Variants in FBXL5 observed in about 807,000 individuals in gnomAD.
The protein encoded by FBXL5 is F-box and leucine rich repeat protein 5.
FBXL5 carries 26 observed loss-of-function variants against 78.3 expected under a neutral mutation model. The ratio of observed to expected loss-of-function variants is 0.33; its 90% confidence interval spans 0.24 to 0.46. The LOEUF is 0.46. Ranked by LOEUF, FBXL5 falls within the 20% of genes least tolerant of loss-of-function variation. FBXL5 has a pLI of 1.00. For missense variants in FBXL5, 710 were observed against 829.2 expected (o/e 0.86, Z 1.77); for synonymous variants, 295 against 282.5 (o/e 1.04, Z -0.45).
intron 3 of FBXL5, among the ~76,000 whole-genome samples, chr4:15,639,311 T>G (rs1452952684): frequency 6.6e-6 from 1 of 152,240 alleles, no homozygotes; most frequent in Non-Finnish European, 1.5e-5. Flanking sequence ...GATGTTTAGG[T>G]CAGTTAACTG....
At position 15,623,674 on chromosome 4, in the gene FBXL5, C is replaced by CT. The variant is rs1313678525; in HGVS notation, c.1850+1577dup. Among the ~76,000 whole-genome samples the CT allele has an allele frequency of 4.6e-5, 7 of 152,092 alleles. 1 individual carries two copies. Reference sequence around the variant, plus strand: ...AAAACTCAGAATAAAGTTATCTTTGCTTATGTTCTTAAACTATAACATATG... The same window carrying CT: ...AAAACTCAGAATAAAGTTATCTTTGCTTTATGTTCTTAAACTATAACATATG... On this transcript the variant is annotated intron_variant, in intron 9 of 10. Transcript: ENST00000341285.
chr4:15,624,600 TA>T (rs61627875), intron 9 of FBXL5, among the ~76,000 whole-genome samples: 13,819 of 130,180 alleles, frequency 0.11, 721 homozygotes, highest in Non-Finnish European at 0.14. Flanking sequence ...TCTAGGAGGT[TA>T]AAAAAAAAAA....
chr4:15,642,011 G>A (rs1714936035), intron 2 of FBXL5, among the ~76,000 whole-genome samples: 1 of 151,330 alleles, frequency 6.6e-6, no homozygotes, highest in African/African-American at 2.4e-5. Context: ...ATGGGTGACA[G>A]AGCAAGACTC....
chr4:15,667,966 GGGAGGTGGA>G (rs1235739436), intron 1 of FBXL5, among the ~76,000 whole-genome samples: 1 of 151,732 alleles, frequency 6.6e-6, no homozygotes, highest in Non-Finnish European at 1.5e-5. Context: ...GCTTGAACTC[GGGAGGTGGA>G]GGTTGCGGTG....
intron 9 of FBXL5, among the ~76,000 whole-genome samples, chr4:15,621,774 A>T (rs1243838556): frequency 6.6e-6 from 1 of 152,216 alleles, no homozygotes. Flanking sequence ...AAATGGCCCT[A>T]TCTGTTCCCT....
At chr4:15,622,377 G>A (rs1235460531) in intron 9 of FBXL5, among the ~76,000 whole-genome samples, 1 of 152,128 alleles carries the variant, frequency 6.6e-6, no homozygotes, top group Non-Finnish European at 1.5e-5. Context: ...TACAATGAAT[G>A]CAAAAAGAGT....
upstream of FBXL5, chr4:15,655,400 G>A (rs1716780888): frequency 9.7e-7 from 1 of 1,028,026 alleles, no homozygotes; most frequent in Non-Finnish European, 1.2e-6. Flanking sequence ...CCCCGTCGGC[G>A]CGCGCGCCCG....
intron 2 of FBXL5, among the ~76,000 whole-genome samples, chr4:15,641,920 G>A (rs1010119860): frequency 4.6e-5 from 7 of 151,996 alleles, no homozygotes; most frequent in Middle Eastern, 6.8e-3. Flanking sequence ...CCAGCTACTC[G>A]AGAGGCTGAG....
At chr4:15,646,060 C>T (rs1156621522) in intron 1 of FBXL5, among the ~76,000 whole-genome samples, 2 of 152,104 alleles carry the variant, frequency 1.3e-5, no homozygotes, top group Non-Finnish European at 2.9e-5. Flanking sequence ...GAATTGGCAA[C>T]TTTTCTATAA....
In FBXL5 at chr4:15,616,461, C is replaced by T. The variant is rs115531683; in HGVS notation, c.1851-4047G>A. 2.4e-3 allele frequency among the ~76,000 whole-genome samples: 362 copies of T among 152,346 alleles called. 3 individuals carry two copies. Among genetic ancestry groups the T allele is most frequent in the African/African-American group, 8.3e-3 (346 of 41,584 alleles). ...AGATCTTGCCCAGACTACAAGCCTC[C>T]CCACTGAGAAAGCAAGCAGGGCTTT... On this transcript the variant is annotated intron_variant, in intron 9 of 10. Transcript: ENST00000341285.
chr4:15,624,408 A>C (rs1712800291), intron 9 of FBXL5, among the ~76,000 whole-genome samples: 1 of 152,156 alleles, frequency 6.6e-6, no homozygotes, highest in Non-Finnish European at 1.5e-5. Context: ...AGAAAAAAGC[A>C]AAATCAATCT....
chr4:15,645,177 T>G (rs543334815), intron 1 of FBXL5, among the ~76,000 whole-genome samples: 18 of 152,150 alleles, frequency 1.2e-4, no homozygotes, highest in African/African-American at 3.9e-4. Flanking sequence ...TGGAACATAA[T>G]CTAAGCTGTC....
chr4:15,642,131 T>C (rs1196950693), intron 2 of FBXL5, among the ~76,000 whole-genome samples: 1 of 152,164 alleles, frequency 6.6e-6, no homozygotes, highest in African/African-American at 2.4e-5. Context: ...TCATTCTAAT[T>C]CTGGGCAATT....
At chr4:15,615,628 G>A (rs1203794914) in intron 9 of FBXL5, among the ~76,000 whole-genome samples, 1 of 148,048 alleles carries the variant, frequency 6.8e-6, no homozygotes, top group Non-Finnish European at 1.5e-5. Context: ...CAAGGTTTGT[G>A]AATGCACCAA....
intron 10 of FBXL5, 85 bp from the exon 11 acceptor site, chr4:15,605,884 C>G: frequency 1.0e-6 from 1 of 972,666 alleles, no homozygotes; most frequent in Admixed American, 2.0e-5. Context: ...GTTAAACATT[C>G]ATTGGTTTTA....
In FBXL5 at chr4:15,628,087, T is replaced by C. The variant is rs1438469954; in HGVS notation, c.893-54A>G. The C allele has an allele frequency of 9.7e-6, 15 of 1,552,066 alleles. No individual in the cohort carries two copies. The East Asian group carries it at 2.7e-4, about 28-fold the overall frequency. On this transcript the variant is annotated intron_variant, in intron 6 of 10. Coordinates refer to ENST00000341285, the MANE Select transcript of FBXL5 (RefSeq NM_012161.4). ...CTTGATAAACTGATAATAATTAAGC[T>C]ACTCAAGCGCTCACCAAATTGTTAA... is the stretch of plus-strand genomic sequence containing the variant.
At chr4:15,660,248 T>A (rs2148764714), upstream of FBXL5, among the ~76,000 whole-genome samples, 1 of 152,234 alleles carries the variant, frequency 6.6e-6, no homozygotes, top group Middle Eastern at 3.4e-3. Flanking sequence ...AGGCTAATTT[T>A]TTATTTTTAT....
In FBXL5 at chr4:15,638,712, T is replaced by G. The variant is rs202175986; in HGVS notation, c.397-18A>C. On this transcript the variant is annotated intron_variant, in intron 3 of 10. Coordinates refer to ENST00000341285, the MANE Select transcript of FBXL5 (RefSeq NM_012161.4). ...TGAAAAACCTAAATTAAACAAAATATTCACGAGGAAAGATGCTTCATTCGT... is the reference window on the plus strand; with the variant it reads ...TGAAAAACCTAAATTAAACAAAATAGTCACGAGGAAAGATGCTTCATTCGT... 719 of 1,502,288 alleles carry G rather than the reference T, an allele frequency of 4.8e-4. No homozygotes were observed. The highest frequency in any genetic ancestry group is 6.4e-4 in the Non-Finnish European group (700 of 1,094,920). 93.1% of individuals were successfully genotyped at this position (1,502,288 alleles called of 1,614,324 possible).
chr4:15,630,387 C>G lies in FBXL5; in HGVS notation c.892+279G>C, dbSNP rs189341154. ...AAATCACATTGTAAACTACAAAGCA[C>G]TATAATAAACGTACATTATTTTCAT... is the stretch of plus-strand genomic sequence containing the variant. On this transcript the variant is annotated intron_variant, in intron 6 of 10. Transcript: ENST00000341285. Among the ~76,000 whole-genome samples the G allele has an allele frequency of 3.9e-5, 6 of 152,132 alleles. No homozygotes were observed. The East Asian group carries it at 1.2e-3, about 29-fold the overall frequency.
Sources: allele counts gnomAD v4.1 joint callset (sites outside exome capture counted in the v4.1 genomes callset), GRCh38; gene constraint gnomAD v4.1.1; transcripts MANE v1.5; gene names NCBI Gene and HGNC (gene_info 2026-07-23, HGNC 2026-07-21).